Variants in HIVEP2 observed in about 807,000 individuals in gnomAD.
HIVEP2 encodes the protein HIVEP zinc finger 2.
In HIVEP2, 14 loss-of-function variants were observed where a neutral mutation model predicts 180.7. The observed-to-expected ratio is 0.08, with a 90% CI of 0.05 to 0.12. The LOEUF is 0.12. Ranked by LOEUF, HIVEP2 falls within the 10% of genes least tolerant of loss-of-function variation. The pLI is 1.00. For synonymous variants in HIVEP2, 1,184 were observed against 1,136.4 expected, an observed-to-expected ratio of 1.04 and a Z score of -0.84; for missense variants, 2,579 against 3,008.5, an observed-to-expected ratio of 0.86 and a Z score of 3.34.
At chr6:142,754,890 T>C (rs1270096768) in intron 9 of HIVEP2, among the ~76,000 whole-genome samples, 1 of 152,218 alleles carries the variant, frequency 6.6e-6, no homozygotes, top group Admixed American at 6.5e-5. Context: ...ACAACTTAGA[T>C]TGTCAGATTA....
intron 1 of HIVEP2, among the ~76,000 whole-genome samples, chr6:142,843,168 A>G (rs112184293): frequency 5.3e-4 from 80 of 152,276 alleles, no homozygotes; most frequent in African/African-American, 1.9e-3. Context: ...CCGAAAGTCT[A>G]CGTGGAACCC....
At chr6:142,929,263 T>C (rs929379874) in intron 1 of HIVEP2, among the ~76,000 whole-genome samples, 3 of 152,204 alleles carry the variant, frequency 2.0e-5, no homozygotes, top group Admixed American at 6.5e-5. Flanking sequence ...CTCTGGTCTA[T>C]ACCTAGTTGC....
intron 1 of HIVEP2, among the ~76,000 whole-genome samples, chr6:142,845,411 T>C (rs536842909): frequency 6.6e-6 from 1 of 152,318 alleles, no homozygotes; most frequent in African/African-American, 2.4e-5. Context: ...TCCCTCTCTC[T>C]CTTTCTCTCT....
intron 1 of HIVEP2, among the ~76,000 whole-genome samples, chr6:142,906,578 T>TA (rs1777269305): frequency 6.6e-6 from 1 of 151,484 alleles, no homozygotes; most frequent in Non-Finnish European, 1.5e-5. Flanking sequence ...CCATGTATGA[T>TA]AAAAAATATT....
intron 1 of HIVEP2, among the ~76,000 whole-genome samples, chr6:142,883,537 T>C (rs570479877): frequency 6.6e-6 from 1 of 152,274 alleles, no homozygotes; most frequent in Admixed American, 6.5e-5. Flanking sequence ...CTCACACTCC[T>C]ACACATAAAA....
Position 142,753,727 on chromosome 6 carries a change from G to T in HIVEP2, c.6721C>A (p.Pro2241Thr), listed in dbSNP as rs1774990553. The stretch of plus-strand genomic sequence containing the variant: ...GGATGTAAACTGGAAAGGGCTGGCG[G>T]CATGGAGTGAACCATCTGGATCCCA... ...VGGIQMVHSM[P>T]PALSSLHPSP... Residue 2241 changes from proline to threonine, a missense_variant, in exon 10 of 10, where the codon CCG becomes ACG. Around this residue, in one of 11 missense-constraint regions of HIVEP2, gnomAD observed 660 missense variants for 731.7 expected, o/e 0.90. Transcript: ENST00000367603. 1 of 1,614,084 alleles carries T rather than the reference G, an allele frequency of 6.2e-7. No individual in the cohort carries two copies. Among genetic ancestry groups the T allele is most frequent in the South Asian group, 1.1e-5 (1 of 91,082 alleles).
At chr6:142,858,639 TG>T (rs1356660730) in intron 1 of HIVEP2, among the ~76,000 whole-genome samples, 13 of 152,148 alleles carry the variant, frequency 8.5e-5, no homozygotes, top group Non-Finnish European at 1.3e-4. Context: ...TTGCCCAGGC[TG>T]GAGTGCAATG....
Position 142,876,067 on chromosome 6 carries a change from G to C in HIVEP2, c.-640-39020C>G, listed in dbSNP as rs902744371. Among the ~76,000 whole-genome samples, 3 of 152,242 alleles carry C rather than the reference G, an allele frequency of 2.0e-5. No individual in the cohort carries two copies. The South Asian group carries it at 6.2e-4, about 32-fold the overall frequency. On this transcript the variant is annotated intron_variant, in intron 1 of 9. Coordinates refer to ENST00000367603, the MANE Select transcript of HIVEP2 (RefSeq NM_006734.4). Reference sequence around the variant, plus strand: ...CAAATAAGACTGACAGGGAAAGATGGGAGAAAGTGTAGTGTCATGGAAGCT... The same window carrying C: ...CAAATAAGACTGACAGGGAAAGATGCGAGAAAGTGTAGTGTCATGGAAGCT...
chr6:142,867,106 G>C (rs1776160650), intron 1 of HIVEP2, among the ~76,000 whole-genome samples: 1 of 152,082 alleles, frequency 6.6e-6, no homozygotes, highest in Admixed American at 6.6e-5. Context: ...GGACGTGTGT[G>C]TTAGTGTGAA....
rs1775525472 is a variant in HIVEP2, at chr6:142,771,011, C to T, written c.3728G>A (p.Gly1243Asp). ...PFAQHPQKSY[G>D]KPSFQTEIHS... ...GATTTCTGTCTGAAAAGAGGGCTTG[C>T]CATAGCTCTTCTGAGGGTGCTGAGC... The change falls in exon 5 of 10, where the codon GGC (glycine) becomes GAC (aspartate). Residue 1243 changes from glycine (G) to aspartate (D), a missense_variant. Coordinates refer to ENST00000367603, the MANE Select transcript of HIVEP2 (RefSeq NM_006734.4). This position sits in a 1 kb window ranked among gnomAD's most constrained non-coding sequence, Gnocchi z 5.4. 1.2e-6 allele frequency: 2 copies of T among 1,614,120 alleles called. No individual in the cohort carries two copies. The highest frequency in any genetic ancestry group is 1.7e-6 in the Non-Finnish European group (2 of 1,180,024).
chr6:142,822,806 G>A (rs1331665600), intron 2 of HIVEP2, among the ~76,000 whole-genome samples: 1 of 152,116 alleles, frequency 6.6e-6, no homozygotes, highest in East Asian at 1.9e-4. Flanking sequence ...CAGGATAGAA[G>A]TGTCTTTCCT....
chr6:142,905,171 C>G (rs1375879477), intron 1 of HIVEP2, among the ~76,000 whole-genome samples: 1 of 152,128 alleles, frequency 6.6e-6, no homozygotes, highest in East Asian at 1.9e-4. Context: ...ATTCCCATCT[C>G]TAAATAAGAG....
intron 2 of HIVEP2, among the ~76,000 whole-genome samples, chr6:142,814,144 A>T (rs939682749): frequency 4.6e-5 from 7 of 152,042 alleles, no homozygotes; most frequent in African/African-American, 7.2e-5. Context: ...ACTGGAGATG[A>T]TCTTTTATGT....
chr6:142,942,899 C>T (rs1016686760), intron 1 of HIVEP2, among the ~76,000 whole-genome samples: 1 of 152,120 alleles, frequency 6.6e-6, no homozygotes, highest in African/African-American at 2.4e-5. Context: ...GACCTATGCT[C>T]GACGCAAGAA....
intron 7 of HIVEP2, among the ~76,000 whole-genome samples, chr6:142,762,402 T>G (rs1477654688): frequency 6.6e-6 from 1 of 151,492 alleles, no homozygotes; most frequent in African/African-American, 2.4e-5. Flanking sequence ...ATGTGAGAAA[T>G]TTTGAAAACA....
At position 142,759,902 on chromosome 6, in the gene HIVEP2, A is replaced by G; in HGVS notation, c.6386T>C (p.Leu2129Pro). The part of the protein sequence containing the change: ...PGKDITARRD[L>P]SPRRERRYMT... Reference sequence around the variant, plus strand: ...GTATCTTCTCTCTCTTCTAGGAGAGAGGTCTCTTCTTGCTGTGATATCTTT... The same window carrying G: ...GTATCTTCTCTCTCTTCTAGGAGAGGGGTCTCTTCTTGCTGTGATATCTTT... The change falls in exon 9 of 10, where the codon CTC becomes CCC. Residue 2129 changes from leucine to proline, a missense_variant. Transcript: ENST00000367603. 1.2e-6 allele frequency: 2 copies of G among 1,613,970 alleles called. No homozygotes were observed. Among genetic ancestry groups the G allele is most frequent in the Non-Finnish European group, 1.7e-6 (2 of 1,179,970 alleles).
chr6:142,805,723 G>A (rs1776531896), intron 2 of HIVEP2, among the ~76,000 whole-genome samples: 1 of 152,082 alleles, frequency 6.6e-6, no homozygotes, highest in African/African-American at 2.4e-5. Context: ...AAGCATACAA[G>A]AGCTCTTCAG....
chr6:142,916,993 C>A (rs1777569210), intron 1 of HIVEP2, among the ~76,000 whole-genome samples: 1 of 152,190 alleles, frequency 6.6e-6, no homozygotes, highest in Non-Finnish European at 1.5e-5. Context: ...AATGGACATA[C>A]TATAAATGTG....
chr6:142,803,209 T>G (rs911576240), intron 2 of HIVEP2, among the ~76,000 whole-genome samples: 2 of 152,180 alleles, frequency 1.3e-5, no homozygotes, highest in Non-Finnish European at 2.9e-5. Flanking sequence ...CATTTCATCA[T>G]AACCTAGAAG....
Sources: allele counts gnomAD v4.1 joint callset (sites outside exome capture counted in the v4.1 genomes callset), GRCh38; gene constraint gnomAD v4.1.1; regional missense constraint gnomAD v4.1.1; non-coding constraint Gnocchi (gnomAD v3.1); transcripts MANE v1.5; gene names NCBI Gene and HGNC (gene_info 2026-07-23, HGNC 2026-07-21).